FRMD4B: variants seen among roughly 807,000 people sequenced by gnomAD.
FRMD4B encodes the protein FERM domain-containing protein 4B.
FRMD4B carries 74 observed loss-of-function variants against 141.5 expected under a neutral mutation model. That is an observed-to-expected ratio of 0.52 (90% CI 0.43 to 0.63). The LOEUF is 0.63. FRMD4B is among the 30% of genes least tolerant of loss of function. The probability of loss-of-function intolerance (pLI) is 0.00; values close to 1 mark genes in which losing one functional copy is unlikely to be tolerated. For synonymous variants in FRMD4B, 506 were observed against 467.9 expected, an observed-to-expected ratio of 1.08 and a Z score of -1.05; for missense variants, 1,366 against 1,253.4, an observed-to-expected ratio of 1.09 and a Z score of -1.36.
intron 8 of FRMD4B, among the ~76,000 whole-genome samples, chr3:69,223,784 A>G (rs2093221887): frequency 6.6e-6 from 1 of 152,186 alleles, no homozygotes; most frequent in Non-Finnish European, 1.5e-5. Context: ...AGCTGAGTTC[A>G]TGCTACTGCA....
Position 69,263,817 on chromosome 3 carries a change from C to CTTTT in FRMD4B, c.502-13722_502-13719dup, listed in dbSNP as rs3032130. 4.3e-3 allele frequency among the ~76,000 whole-genome samples: 296 copies of CTTTT among 68,568 alleles called. 10 individuals are homozygous for CTTTT. Among genetic ancestry groups the CTTTT allele is most frequent in the Non-Finnish European group, 4.5e-3 (178 of 39,908 alleles). 45.0% of individuals were successfully genotyped at this position (68,568 alleles called of 152,430 possible). On this transcript the variant is annotated intron_variant, in intron 5 of 22. Transcript: ENST00000398540. ...ATCTGACTGAATGGCAACCCCATTCCTTTTTTTTTTTTTTTTTTTTTTTTT... is the reference window on the plus strand; with the variant it reads ...ATCTGACTGAATGGCAACCCCATTCCTTTTTTTTTTTTTTTTTTTTTTTTTTTTT...
chr3:69,426,778 C>T (rs1705085735), intron 2 of FRMD4B, among the ~76,000 whole-genome samples: 1 of 151,988 alleles, frequency 6.6e-6, no homozygotes, highest in Non-Finnish European at 1.5e-5. Context: ...GATTTATCCT[C>T]AGATGTAATA....
intron 1 of FRMD4B, among the ~76,000 whole-genome samples, chr3:69,365,894 A>G (rs72940769): frequency 0.22 from 33,211 of 151,850 alleles, 4,568 homozygotes; most frequent in African/African-American, 0.39. Context: ...TTTTATGTAT[A>G]AGAATGGTTA....
At chr3:69,404,658 T>C (rs553633321) in intron 2 of FRMD4B, among the ~76,000 whole-genome samples, 2 of 152,204 alleles carry the variant, frequency 1.3e-5, no homozygotes, top group Admixed American at 1.3e-4. Context: ...GAACTGTGAG[T>C]TTCGTGCTTG....
At chr3:69,410,444 G>C (rs561280363) in intron 2 of FRMD4B, among the ~76,000 whole-genome samples, 3 of 151,992 alleles carry the variant, frequency 2.0e-5, no homozygotes, top group African/African-American at 7.2e-5. Flanking sequence ...ATGAGCGAGT[G>C]TGAATATGTG....
intron 22 of FRMD4B, among the ~76,000 whole-genome samples, chr3:69,172,391 A>G (rs2092598022): frequency 6.6e-6 from 1 of 151,996 alleles, no homozygotes; most frequent in Non-Finnish European, 1.5e-5. Context: ...CTTTTCCAAC[A>G]TTCTCTCTTT....
intron 1 of FRMD4B, among the ~76,000 whole-genome samples, chr3:69,361,059 C>G (rs1363774654): frequency 6.6e-6 from 1 of 152,014 alleles, no homozygotes; most frequent in Non-Finnish European, 1.5e-5. Context: ...TCCAAAATAA[C>G]GAGTTGGGTA....
At chr3:69,465,905 C>A (rs1440040368) in intron 1 of FRMD4B, among the ~76,000 whole-genome samples, 1 of 152,070 alleles carries the variant, frequency 6.6e-6, no homozygotes, top group African/African-American at 2.4e-5. Flanking sequence ...GGGTATACAC[C>A]CCGTAATGGG....
intron 1 of FRMD4B, among the ~76,000 whole-genome samples, chr3:69,455,444 G>A (rs1190765611): frequency 1.3e-5 from 2 of 152,242 alleles, no homozygotes; most frequent in East Asian, 1.9e-4. Context: ...GCACCAGGAG[G>A]AATGAACAAC....
chr3:69,283,246 G>A (rs1161833077), intron 5 of FRMD4B, among the ~76,000 whole-genome samples: 4 of 151,896 alleles, frequency 2.6e-5, no homozygotes, highest in Non-Finnish European at 2.9e-5. Context: ...TTAGCTGGAC[G>A]TGGTGTCAGG....
At position 69,497,056 on chromosome 3, in the gene FRMD4B, G is replaced by C. The variant is rs1183990489; in HGVS notation, c.-129+45150C>G. On this transcript the variant is annotated intron_variant, in intron 1 of 5. Transcript: ENST00000459638. ...CCATGTGACTTGTTTTGGTCAATAGGCTGTGGAAAGCAATGACATATGCTG... is the reference window on the plus strand; with the variant it reads ...CCATGTGACTTGTTTTGGTCAATAGCCTGTGGAAAGCAATGACATATGCTG... Among the ~76,000 whole-genome samples, 7 of 151,978 alleles carry C rather than the reference G, an allele frequency of 4.6e-5. 1 individual carries two copies. In the South Asian group the frequency reaches 1.5e-3, roughly 32 times the overall value.
intron 1 of FRMD4B, among the ~76,000 whole-genome samples, chr3:69,372,209 G>T (rs756735808): frequency 6.6e-6 from 1 of 152,114 alleles, no homozygotes. Flanking sequence ...ATAAAACCTC[G>T]GAAAGAAGCC....
At chr3:69,269,094 A>G (rs895190812) in intron 5 of FRMD4B, among the ~76,000 whole-genome samples, 2 of 151,488 alleles carry the variant, frequency 1.3e-5, no homozygotes, top group African/African-American at 2.4e-5. Context: ...ACACCCGGCT[A>G]ATTTTTGTAT....
At chr3:69,426,903 A>G (rs1232785861) in intron 2 of FRMD4B, among the ~76,000 whole-genome samples, 1 of 152,202 alleles carries the variant, frequency 6.6e-6, no homozygotes, top group Non-Finnish European at 1.5e-5. Flanking sequence ...CCATACTGGT[A>G]CAACAGAGCT....
chr3:69,427,650 T>TTTTTTTTTG lies in FRMD4B; in HGVS notation c.-1+4983_-1+4984insCAAAAAAAA, dbSNP rs1705107432. 2.3e-4 allele frequency among the ~76,000 whole-genome samples: 27 copies of TTTTTTTTTG among 117,952 alleles called. 2 individuals are homozygous for TTTTTTTTTG. The highest frequency in any genetic ancestry group is 7.0e-5 in the Non-Finnish European group (4 of 57,178). The allele number at this position is 117,952 out of a possible 152,430, so 77.4% of individuals were successfully genotyped here. A position where few individuals can be genotyped will look rare whatever the true frequency, so the allele number is the denominator to read the frequency against. On this transcript the variant is annotated intron_variant, in intron 2 of 5. Transcript: ENST00000459638. ...GTAAGAAGCTAGGTAAATGTTTTTT[T>TTTTTTTTTG]TTTTTTTTTTTTTTTTTTTTTTTGA...
At chr3:69,503,311 T>G (rs1706534046) in intron 1 of FRMD4B, among the ~76,000 whole-genome samples, 1 of 151,774 alleles carries the variant, frequency 6.6e-6, no homozygotes, top group Non-Finnish European at 1.5e-5. Context: ...ATAGACTGGA[T>G]TAAGAAAATG....
intron 1 of FRMD4B, among the ~76,000 whole-genome samples, chr3:69,348,375 A>G (rs2107417373): frequency 6.6e-6 from 1 of 152,316 alleles, no homozygotes; most frequent in East Asian, 1.9e-4. Flanking sequence ...CCAGGACCAG[A>G]TGGATTCACA....
chr3:69,272,977 C>T (rs971300744), intron 5 of FRMD4B, among the ~76,000 whole-genome samples: 6 of 152,196 alleles, frequency 3.9e-5, no homozygotes, highest in African/African-American at 4.8e-5. Context: ...GAAACAGTCA[C>T]ATTTTGATTA....
intron 7 of FRMD4B, chr3:69,228,309 T>G: frequency 4.4e-6 from 2 of 456,660 alleles, no homozygotes; most frequent in South Asian, 3.1e-5. Context: ...TTCTCTTATG[T>G]CACTCTGAAT....
Sources: allele counts gnomAD v4.1 joint callset (sites outside exome capture counted in the v4.1 genomes callset), GRCh38; gene constraint gnomAD v4.1.1; transcripts MANE v1.5; gene names NCBI Gene and HGNC (gene_info 2026-07-23, HGNC 2026-07-21).